The following ATG10 variants were observed in gnomAD, a reference collection of about 807,000 sequenced individuals.
The protein encoded by ATG10 is ubiquitin-like-conjugating enzyme ATG10.
Under a neutral mutation model 32.1 loss-of-function variants are expected in ATG10, and 30 were observed. The observed-to-expected ratio is 0.94, with a 90% confidence interval of 0.70 to 1.27. The LOEUF (loss-of-function observed/expected upper bound fraction) is 1.27, where lower values mean the gene tolerates loss of function less well. Among genes scored for constraint, ATG10 ranks in the 50% most tolerant of loss-of-function variants. The pLI, the probability that ATG10 is intolerant of heterozygous loss-of-function variation, is 0.00. For missense variants in ATG10, 233 were observed against 262.3 expected (o/e 0.89, Z 0.77); for synonymous variants, 87 against 91.5 (o/e 0.95, Z 0.28).
chr5:82,221,721 C>G (rs773004674), intron 5 of ATG10, among the ~76,000 whole-genome samples: 1 of 152,148 alleles, frequency 6.6e-6, no homozygotes, highest in Non-Finnish European at 1.5e-5. Flanking sequence ...AAGATATAGG[C>G]ATGCAAAAAT....
chr5:82,164,045 C>G (rs1030238907), intron 3 of ATG10, among the ~76,000 whole-genome samples: 4 of 152,178 alleles, frequency 2.6e-5, no homozygotes, highest in Admixed American at 2.6e-4. Context: ...TTTTAGCTTT[C>G]ACAGGTAGGG....
At chr5:82,252,536 T>A (rs948516909) in intron 5 of ATG10, 26 bp from the exon 6 acceptor site, 1 of 1,433,036 alleles carries the variant, frequency 7.0e-7, no homozygotes, top group Non-Finnish European at 9.8e-7. Flanking sequence ...CTCACACTGA[T>A]CCTGGACCAA....
chr5:82,169,151 T>C (rs1010355543), intron 4 of ATG10, among the ~76,000 whole-genome samples: 4 of 152,008 alleles, frequency 2.6e-5, no homozygotes, highest in East Asian at 1.9e-4. Context: ...TGAAAAGATA[T>C]GTTGAGGTCA....
At chr5:82,020,764 C>G (rs1646152337) in intron 2 of ATG10, among the ~76,000 whole-genome samples, 1 of 152,046 alleles carries the variant, frequency 6.6e-6, no homozygotes, top group African/African-American at 2.4e-5. Flanking sequence ...TTTTAGACCT[C>G]TACTTGAGCT....
chr5:82,022,228 G>A (rs886571431), intron 2 of ATG10, among the ~76,000 whole-genome samples: 1 of 151,778 alleles, frequency 6.6e-6, no homozygotes, highest in Non-Finnish European at 1.5e-5. Flanking sequence ...TTGAATCCGT[G>A]GATGCAGAGC....
At chr5:82,042,114 A>G (rs1008128480) in intron 2 of ATG10, among the ~76,000 whole-genome samples, 3 of 152,194 alleles carry the variant, frequency 2.0e-5, no homozygotes, top group Admixed American at 1.3e-4. Flanking sequence ...TGGGTAATTT[A>G]TAAAGAAAAG....
intron 3 of ATG10, among the ~76,000 whole-genome samples, chr5:82,119,325 T>C (rs958863228): frequency 7.2e-5 from 11 of 152,166 alleles, no homozygotes; most frequent in African/African-American, 2.7e-4. Flanking sequence ...TTTAAAGCAA[T>C]TAAAAGACAA....
At chr5:81,972,681 C>T (rs541221910) in intron 1 of ATG10, 3 of 152,142 alleles carry the variant, frequency 2.0e-5, no homozygotes, top group Non-Finnish European at 4.4e-5. Flanking sequence ...CTTCCAGTGG[C>T]TGAGTCCAAC....
At chr5:82,221,127 C>G (rs112912868) in intron 5 of ATG10, among the ~76,000 whole-genome samples, 5 of 152,156 alleles carry the variant, frequency 3.3e-5, no homozygotes, top group African/African-American at 9.7e-5. Context: ...CTGTGCTTCT[C>G]TCTGTCTGGA....
intron 3 of ATG10, among the ~76,000 whole-genome samples, chr5:82,062,932 C>G (rs577983613): frequency 4.6e-5 from 7 of 152,202 alleles, no homozygotes; most frequent in Non-Finnish European, 1.0e-4. Context: ...TAAGTTCTCT[C>G]TTTCTTCATC....
intron 5 of ATG10, among the ~76,000 whole-genome samples, chr5:82,230,906 G>A (rs887789860): frequency 2.0e-5 from 3 of 152,024 alleles, no homozygotes; most frequent in African/African-American, 7.2e-5. Context: ...AATGTCAACA[G>A]GTAAGAGGAA....
rs566042403 is a variant in ATG10, at chr5:82,025,322, A to G, written c.109-33173A>G. Reference sequence around the variant, plus strand: ...AAGGTCATATAATTCACCTTGTTCCAGATATTGCTTCTGTTAAGGCTGCTT... The same window carrying G: ...AAGGTCATATAATTCACCTTGTTCCGGATATTGCTTCTGTTAAGGCTGCTT... On this transcript the variant is annotated intron_variant, in intron 2 of 7. Transcript: ENST00000282185. Among the ~76,000 whole-genome samples, 5 of 152,314 alleles carry G rather than the reference A, an allele frequency of 3.3e-5. No individual in the cohort carries two copies. In the South Asian group the frequency reaches 1.0e-3, roughly 32 times the overall value.
chr5:81,974,800 G>T (rs1183901560), intron 1 of ATG10, among the ~76,000 whole-genome samples: 1 of 152,174 alleles, frequency 6.6e-6, no homozygotes, highest in Non-Finnish European at 1.5e-5. Flanking sequence ...TTTTAAGACT[G>T]TAAACTTCCT....
chr5:82,243,641 G>T (rs1746891092), intron 5 of ATG10, among the ~76,000 whole-genome samples: 1 of 152,068 alleles, frequency 6.6e-6, no homozygotes, highest in South Asian at 2.1e-4. Flanking sequence ...AAATATCACA[G>T]CTTCCGGATA....
chr5:82,197,702 T>TTTC (rs1744912515), intron 5 of ATG10, among the ~76,000 whole-genome samples: 1 of 147,628 alleles, frequency 6.8e-6, no homozygotes, highest in Admixed American at 6.9e-5. Flanking sequence ...TGTCCCATTA[T>TTTC]TTTCTTTCTT....
intron 3 of ATG10, among the ~76,000 whole-genome samples, chr5:82,084,918 A>G (rs1394930089): frequency 6.6e-6 from 1 of 152,226 alleles, no homozygotes; most frequent in Non-Finnish European, 1.5e-5. Context: ...AAGAAACTGC[A>G]TCAACTAACG....
rs566922237 is a variant in ATG10, at chr5:82,157,995, T to C, written c.217-6404T>C. On this transcript the variant is annotated intron_variant, in intron 3 of 7. Coordinates refer to ENST00000282185, the MANE Select transcript of ATG10 (RefSeq NM_031482.5). Reference sequence around the variant, plus strand: ...AAGAAAAGTTTTTCTTCCTTCTCTGTAGGCTAAATAGAGATATGGATCTCA... The same window carrying C: ...AAGAAAAGTTTTTCTTCCTTCTCTGCAGGCTAAATAGAGATATGGATCTCA... Among the ~76,000 whole-genome samples the C allele has an allele frequency of 6.6e-5, 10 of 152,332 alleles. No individual in the cohort carries two copies. The East Asian group carries it at 9.6e-4, about 15-fold the overall frequency.
intron 1 of ATG10, among the ~76,000 whole-genome samples, chr5:81,975,132 G>A (rs1257364798): frequency 6.6e-6 from 1 of 152,092 alleles, no homozygotes; most frequent in African/African-American, 2.4e-5. Context: ...AAGTTGCTCT[G>A]AGGATTTGTT....
chr5:82,145,110 A>G (rs1340758781), intron 3 of ATG10, among the ~76,000 whole-genome samples: 1 of 151,980 alleles, frequency 6.6e-6, no homozygotes, highest in Non-Finnish European at 1.5e-5. Context: ...CAACATTCTT[A>G]TGGTTATTGT....
Sources: allele counts gnomAD v4.1 joint callset (sites outside exome capture counted in the v4.1 genomes callset), GRCh38; gene constraint gnomAD v4.1.1; transcripts MANE v1.5; gene names NCBI Gene and HGNC (gene_info 2026-07-23, HGNC 2026-07-21).